CGNL1: variants seen among roughly 807,000 people sequenced by gnomAD.
CGNL1 encodes the protein cingulin-like protein 1.
In CGNL1, 132 loss-of-function variants were observed where a neutral mutation model predicts 141.2. The observed-to-expected ratio is 0.93, with a 90% CI of 0.81 to 1.08. CGNL1 has a LOEUF of 1.08. Ranked by LOEUF, CGNL1 falls within the 50% of genes least tolerant of loss-of-function variation. The probability of loss-of-function intolerance (pLI) is 0.00; values close to 1 mark genes in which losing one functional copy is unlikely to be tolerated. For missense variants in CGNL1, 1,870 were observed against 1,588.6 expected (o/e 1.18, Z -3.01); for synonymous variants, 690 against 622.1 (o/e 1.11, Z -1.63).
In CGNL1 at chr15:57,550,059, A is replaced by G. The variant is rs2033045628; in HGVS notation, c.*2569A>G. The G allele has an allele frequency of 6.6e-6, 1 of 152,214 alleles. No individual in the cohort carries two copies. The highest frequency in any genetic ancestry group is 1.5e-5 in the Non-Finnish European group (1 of 68,042). 9.4% of individuals were successfully genotyped at this position (152,214 alleles called of 1,614,324 possible). A position where few individuals can be genotyped will look rare whatever the true frequency, so the allele number is the denominator to read the frequency against. ...GCCATGGGGCTGGCTACAAGAAGCA[A>G]AACTGCCCATGCAAAGAGAACACAG... On this transcript the variant is annotated 3_prime_UTR_variant, in exon 19 of 19. Coordinates refer to ENST00000281282, the MANE Select transcript of CGNL1 (RefSeq NM_032866.5).
chr15:57,487,933 T>C (rs1309607169), intron 8 of CGNL1, among the ~76,000 whole-genome samples: 1 of 152,182 alleles, frequency 6.6e-6, no homozygotes. Context: ...CGTGTATACC[T>C]GGGAGTAGAG....
chr15:57,477,689 T>TGGTTTTGG (rs1567142637), intron 8 of CGNL1: 3 of 152,396 alleles, frequency 2.0e-5, no homozygotes, highest in African/African-American at 7.2e-5. Flanking sequence ...CTTTGCTGCT[T>TGGTTTTGG]GGTTTTGGGG....
intron 1 of CGNL1, among the ~76,000 whole-genome samples, chr15:57,416,241 T>C (rs2062848275): frequency 6.6e-6 from 1 of 151,658 alleles, no homozygotes; most frequent in Non-Finnish European, 1.5e-5. Flanking sequence ...GTGTAACAAC[T>C]TCTAGCCTCT....
chr15:57,520,568 T>C (rs2031184080), intron 10 of CGNL1, among the ~76,000 whole-genome samples: 1 of 152,230 alleles, frequency 6.6e-6, no homozygotes, highest in South Asian at 2.1e-4. Context: ...CAGGACTGTG[T>C]TGCTGTCTAG....
At chr15:57,413,166 C>CTTCTTTCTTTCT (rs371303154) in intron 1 of CGNL1, among the ~76,000 whole-genome samples, 2 of 151,076 alleles carry the variant, frequency 1.3e-5, no homozygotes, top group African/African-American at 4.9e-5. Flanking sequence ...CCTTCTTCTC[C>CTTCTTTCTTTCT]TTCTTTCTTT....
intron 7 of CGNL1, among the ~76,000 whole-genome samples, chr15:57,458,488 A>G (rs113814276): frequency 1.9e-4 from 29 of 152,316 alleles, no homozygotes; most frequent in African/African-American, 6.7e-4. Flanking sequence ...GACCATAAAA[A>G]CCTCAGTCTT....
intron 14 of CGNL1, among the ~76,000 whole-genome samples, chr15:57,537,444 T>TC (rs1186945058): frequency 1.4e-5 from 2 of 147,580 alleles, no homozygotes; most frequent in African/African-American, 2.5e-5. Context: ...TTCTTCTTCT[T>TC]TTTTTTTTTA....
chr15:57,463,080 T>G (rs1330021122), intron 8 of CGNL1, among the ~76,000 whole-genome samples: 1 of 152,200 alleles, frequency 6.6e-6, no homozygotes, highest in Non-Finnish European at 1.5e-5. Flanking sequence ...TTTGGACCCA[T>G]ATCTTTATCA....
chr15:57,539,941 A>G (rs1420555342), intron 14 of CGNL1, among the ~76,000 whole-genome samples: 2 of 152,222 alleles, frequency 1.3e-5, no homozygotes, highest in African/African-American at 4.8e-5. Flanking sequence ...GGTGGCCAGG[A>G]GTAAATGAGA....
intron 12 of CGNL1, among the ~76,000 whole-genome samples, 179 bp downstream of exon 12, chr15:57,524,930 C>T (rs1288222082): frequency 2.0e-5 from 3 of 152,266 alleles, no homozygotes; most frequent in Middle Eastern, 6.8e-3. Context: ...ACAAAGGACC[C>T]ACCGGCGGAC....
chr15:57,389,560 C>T (rs2062519605), intron 1 of CGNL1, among the ~76,000 whole-genome samples: 2 of 152,160 alleles, frequency 1.3e-5, no homozygotes, highest in Admixed American at 6.5e-5. Flanking sequence ...AAGACACGTG[C>T]AGGAGTTAGT....
At chr15:57,496,691 G>C (rs1194332219) in intron 8 of CGNL1, among the ~76,000 whole-genome samples, 1 of 152,166 alleles carries the variant, frequency 6.6e-6, no homozygotes, top group Non-Finnish European at 1.5e-5. Flanking sequence ...TGTAGAGGAT[G>C]AAAGCATGAG....
chr15:57,438,358 C>T lies in CGNL1; in HGVS notation c.359C>T (p.Pro120Leu), dbSNP rs371804275. 4 of 1,613,994 alleles carry T rather than the reference C, an allele frequency of 2.5e-6. No individual in the cohort carries two copies. In the African/African-American group the frequency reaches 4.0e-5, roughly 16 times the overall value. Residue 120 changes from proline (P) to leucine (L), a missense_variant, in exon 2 of 19, where the codon CCC becomes CTC. Physicochemically the swap from Pro to Leu is moderately conservative, Grantham distance 98. Coordinates refer to ENST00000281282, the MANE Select transcript of CGNL1 (RefSeq NM_032866.5). ...AGCCCAATAAGAAACCTGAAACAGCCCCTGCTCCATGAGGGCAAGAATGGA... is the reference window on the plus strand; with the variant it reads ...AGCCCAATAAGAAACCTGAAACAGCTCCTGCTCCATGAGGGCAAGAATGGA... ...QPSPIRNLKQ[P>L]LLHEGKNGVL...
intron 8 of CGNL1, among the ~76,000 whole-genome samples, chr15:57,469,497 G>A (rs565546030): frequency 6.6e-6 from 1 of 151,940 alleles, no homozygotes; most frequent in Non-Finnish European, 1.5e-5. Context: ...CCAGTGACAG[G>A]AAAGCCAGGG....
At chr15:57,529,682 C>T (rs1339660678) in intron 13 of CGNL1, among the ~76,000 whole-genome samples, 1 of 151,872 alleles carries the variant, frequency 6.6e-6, no homozygotes, top group East Asian at 1.9e-4. Flanking sequence ...AAAATAGTCT[C>T]AGTCTTTTCA....
intron 14 of CGNL1, among the ~76,000 whole-genome samples, chr15:57,533,024 C>T (rs1218614583): frequency 1.3e-5 from 2 of 152,242 alleles, no homozygotes; most frequent in African/African-American, 4.8e-5. Context: ...TTGGGGATAG[C>T]ACCTTATGAG....
intron 8 of CGNL1, among the ~76,000 whole-genome samples, chr15:57,468,352 C>CA (rs1362404868): frequency 6.6e-6 from 1 of 150,762 alleles, no homozygotes; most frequent in Non-Finnish European, 1.5e-5. Flanking sequence ...GCCATCCTCC[C>CA]ACCTCAGCCT....
At chr15:57,483,888 T>C (rs1166995429) in intron 8 of CGNL1, among the ~76,000 whole-genome samples, 1 of 152,090 alleles carries the variant, frequency 6.6e-6, no homozygotes, top group African/African-American at 2.4e-5. Flanking sequence ...GATCATGTGA[T>C]TTTTCCCTCC....
chr15:57,489,867 C>G (rs1482258295), intron 8 of CGNL1, among the ~76,000 whole-genome samples: 2 of 150,124 alleles, frequency 1.3e-5, no homozygotes, highest in Non-Finnish European at 3.0e-5. Flanking sequence ...AGGATTACTG[C>G]CATTGTAGGT....
Sources: gnomAD v4.1 joint callset for allele counts (sites outside exome capture counted in the v4.1 genomes callset) on GRCh38, gnomAD v4.1.1 for gene constraint, MANE v1.5 for transcripts, NCBI Gene and HGNC (gene_info 2026-07-23, HGNC 2026-07-21) for gene names.